The following TMIGD1 variants were observed in gnomAD, a reference collection of about 807,000 sequenced individuals.
The protein encoded by TMIGD1 is transmembrane and immunoglobulin domain-containing protein 1.
A neutral mutation model predicts 27.5 loss-of-function variants in TMIGD1; 29 were observed. That is an observed-to-expected ratio of 1.05 (90% CI 0.78 to 1.44). TMIGD1 has a LOEUF of 1.44. Ranked by LOEUF, TMIGD1 falls within the 40% of genes most tolerant of loss-of-function variation. The pLI, the probability that TMIGD1 is intolerant of heterozygous loss-of-function variation, is 0.00. For missense variants in TMIGD1, 334 were observed against 310.6 expected, an observed-to-expected ratio of 1.08 and a Z score of -0.57; for synonymous variants, 109 against 110.3, an observed-to-expected ratio of 0.99 and a Z score of 0.07.
At position 30,332,177 on chromosome 17, in the gene TMIGD1, A is replaced by C. The variant is rs762376045; in HGVS notation, c.-25-19T>G. 6.5e-6 allele frequency: 10 copies of C among 1,535,830 alleles called. No homozygotes were observed. The highest frequency in any genetic ancestry group is 8.9e-6 in the Non-Finnish European group (10 of 1,117,342). The stretch of plus-strand genomic sequence containing the variant: ...AGATCTACTAAGGGAAAAATAGTGC[A>C]GTTGGTTTTGTACTTTGGTCTGCAA... On this transcript the variant is annotated intron_variant, in intron 1 of 6. Coordinates refer to ENST00000328886, the MANE Select transcript of TMIGD1 (RefSeq NM_206832.3).
At chr17:30,320,453 G>A (rs567769890) in intron 4 of TMIGD1, among the ~76,000 whole-genome samples, 22 of 152,220 alleles carry the variant, frequency 1.4e-4, no homozygotes, top group Non-Finnish European at 2.6e-4. Flanking sequence ...GATATGAAAA[G>A]AAAGTAGCAA....
Position 30,325,082 on chromosome 17 carries a change from A to C in TMIGD1, c.374T>G (p.Leu125Arg). 1 of 1,610,936 alleles carries C rather than the reference A, an allele frequency of 6.2e-7. No individual in the cohort carries two copies. The highest frequency in any genetic ancestry group is 1.1e-5 in the South Asian group (1 of 90,972). The change falls in exon 4 of 7, where the codon CTA becomes CGA. Residue 125 changes from leucine (L) to arginine (R), a missense_variant. Transcript: ENST00000328886. ...VVLNVTFPPL[L>R]SGNDFQTVEE... ...AACTGTTTGGAAGTCGTTTCCACTT[A>C]GGAGAGGAGGAACTGCAAGACTCAA... is the stretch of plus-strand genomic sequence containing the variant.
intron 5 of TMIGD1, 83 bp from the exon 6 acceptor site, chr17:30,317,316 A>C (rs563426836): frequency 6.5e-4 from 975 of 1,504,138 alleles, no homozygotes; most frequent in Non-Finnish European, 8.4e-4. Context: ...TGGCTCGAGG[A>C]CAGGTGTGTG....
At chr17:30,328,986 A>G (rs1909880326) in intron 3 of TMIGD1, among the ~76,000 whole-genome samples, 1 of 150,540 alleles carries the variant, frequency 6.6e-6, no homozygotes, top group Non-Finnish European at 1.5e-5. Flanking sequence ...AAAAAAAGAA[A>G]GAAAGAAAAA....
At chr17:30,322,545 G>A (rs1838957129) in intron 4 of TMIGD1, among the ~76,000 whole-genome samples, 1 of 152,118 alleles carries the variant, frequency 6.6e-6, no homozygotes, top group Admixed American at 6.5e-5. Context: ...TGTTGCCCAG[G>A]CTGGAGCGCA....
chr17:30,332,231 T>C (rs1288031681), intron 1 of TMIGD1, 73 bp from the exon 2 acceptor site: 3 of 831,502 alleles, frequency 3.6e-6, no homozygotes, highest in Non-Finnish European at 5.8e-6. Flanking sequence ...TTCTGTCTAT[T>C]ATGCATTTAA....
chr17:30,316,453 CA>C lies in TMIGD1; in HGVS notation c.*233del. 1 of 445,834 alleles carries C rather than the reference CA, an allele frequency of 2.2e-6. No individual in the cohort carries two copies. The highest frequency in any genetic ancestry group is 4.0e-6 in the Non-Finnish European group (1 of 253,146). 27.6% of individuals were successfully genotyped at this position (445,834 alleles called of 1,614,324 possible). Reference sequence around the variant, plus strand: ...TTTGGAACAAATCTCAATTAATTAACATATACTTCAAGGAGAAGACTTAACA... The same window carrying C: ...TTTGGAACAAATCTCAATTAATTAACTATACTTCAAGGAGAAGACTTAACA... On this transcript the variant is annotated 3_prime_UTR_variant, in exon 7 of 7. Transcript: ENST00000328886.
rs764484067 is a variant in TMIGD1, at chr17:30,329,333, A to G, written c.279T>C (p.Ser93=). The part of the protein sequence containing the change: ...NSSSVCVSSI[S]ENDNGISFTC... ...TAAAGCTGATTCCGTTGTCATTTTCACTGATGGAAGAGACACAGACAGAGC... is the reference window on the plus strand; with the variant it reads ...TAAAGCTGATTCCGTTGTCATTTTCGCTGATGGAAGAGACACAGACAGAGC... Residue 93 remains serine, a synonymous_variant, in exon 3 of 7, where the codon AGT becomes AGC. Coordinates refer to ENST00000328886, the MANE Select transcript of TMIGD1 (RefSeq NM_206832.3). 1.3e-5 allele frequency: 21 copies of G among 1,613,842 alleles called. 1 individual carries two copies. The South Asian group carries it at 2.2e-4, about 17-fold the overall frequency.
rs1909740275 is a variant in TMIGD1 at position 30,325,233 on chromosome 17, G to A, written c.362-139C>T. 8.3e-6 allele frequency: 7 copies of A among 842,798 alleles called. No individual in the cohort carries two copies. In the Admixed American group the frequency reaches 1.2e-4, roughly 14 times the overall value. 52.2% of individuals were successfully genotyped at this position (842,798 alleles called of 1,614,324 possible). On this transcript the variant is annotated intron_variant, in intron 3 of 6. Coordinates refer to ENST00000328886, the MANE Select transcript of TMIGD1 (RefSeq NM_206832.3). ...TTATTAAATACGTACGGTGTGACAA[G>A]CACTGGGGTAACAAGGGCAAATAAC...
chr17:30,329,368 T>C lies in TMIGD1; in HGVS notation c.244A>G (p.Ile82Val). The change falls in exon 3 of 7, where the codon ATC (isoleucine) becomes GTC (valine). Residue 82 changes from isoleucine (I) to valine (V), a missense_variant. Coordinates refer to ENST00000328886, the MANE Select transcript of TMIGD1 (RefSeq NM_206832.3). ...GRVDLKSGNK[I>V]NSSSVCVSSI... Reference sequence around the variant, plus strand: ...GAGACACAGACAGAGCTGGAATTGATTTTGTTTCCAGATTTCAAATCCACT... The same window carrying C: ...GAGACACAGACAGAGCTGGAATTGACTTTGTTTCCAGATTTCAAATCCACT... 2.5e-6 allele frequency: 4 copies of C among 1,614,132 alleles called. No individual in the cohort carries two copies. Among genetic ancestry groups the C allele is most frequent in the Non-Finnish European group, 3.4e-6 (4 of 1,180,038 alleles).
intron 2 of TMIGD1, among the ~76,000 whole-genome samples, chr17:30,330,632 GT>G (rs1376109620): frequency 1.4e-4 from 21 of 152,166 alleles, no homozygotes; most frequent in Admixed American, 1.4e-3. Context: ...ATAAAAAGAT[GT>G]TTAAGTAGTT....
intron 5 of TMIGD1, among the ~76,000 whole-genome samples, chr17:30,318,235 T>C (rs985484993): frequency 9.2e-5 from 14 of 152,332 alleles, no homozygotes; most frequent in South Asian, 4.1e-4. Context: ...TGCTGAATGA[T>C]GAACTCAGCC....
intron 2 of TMIGD1, among the ~76,000 whole-genome samples, chr17:30,331,712 C>A (rs2143189567): frequency 6.6e-6 from 1 of 152,030 alleles, no homozygotes; most frequent in South Asian, 2.1e-4. Context: ...CCTCAGCCAC[C>A]CGAGTAGCTG....
chr17:30,331,162 T>C (rs1203986729), intron 2 of TMIGD1, among the ~76,000 whole-genome samples: 2 of 152,148 alleles, frequency 1.3e-5, no homozygotes, highest in African/African-American at 4.8e-5. Context: ...ACCACTGCAC[T>C]CCAGCCTGGG....
rs1389101872 is a variant in TMIGD1, at chr17:30,316,341, T to G, written c.*346A>C. 5.3e-6 allele frequency: 1 copy of G among 189,162 alleles called. No individual in the cohort carries two copies. Among genetic ancestry groups the G allele is most frequent in the Non-Finnish European group, 1.1e-5 (1 of 93,464 alleles). 11.7% of individuals were successfully genotyped at this position (189,162 alleles called of 1,614,324 possible). A position where few individuals can be genotyped will look rare whatever the true frequency, so the allele number is the denominator to read the frequency against. The stretch of plus-strand genomic sequence containing the variant: ...ACTCTGTTGTTTCTTCCTTTTTTTT[T>G]TTTTTTGGCTTTGCACCAATTTGTG... On this transcript the variant is annotated 3_prime_UTR_variant, in exon 7 of 7. Coordinates refer to ENST00000328886, the MANE Select transcript of TMIGD1 (RefSeq NM_206832.3).
chr17:30,331,260 T>C (rs957170890), intron 2 of TMIGD1, among the ~76,000 whole-genome samples: 1 of 152,030 alleles, frequency 6.6e-6, no homozygotes, highest in African/African-American at 2.4e-5. Context: ...TTTATTAAAA[T>C]ATGGAATATT....
chr17:30,320,000 C>A (rs893359069), intron 4 of TMIGD1, among the ~76,000 whole-genome samples: 2 of 151,938 alleles, frequency 1.3e-5, no homozygotes, highest in Non-Finnish European at 1.5e-5. Context: ...GAAGTGAAAG[C>A]CTACCCCTTT....
At position 30,329,287 on chromosome 17, in the gene TMIGD1, G is replaced by A; in HGVS notation, c.325C>T (p.Gln109Ter). The A allele has an allele frequency of 6.2e-7, 1 of 1,614,080 alleles. No individual in the cohort carries two copies. The highest frequency in any genetic ancestry group is 8.5e-7 in the Non-Finnish European group (1 of 1,180,022). The change falls in exon 3 of 7, where the codon CAG becomes TAG. Residue 109 changes from glutamine to a stop codon, truncating the protein, a stop_gained. Coordinates refer to ENST00000328886, the MANE Select transcript of TMIGD1 (RefSeq NM_206832.3). LOFTEE classifies it high-confidence loss of function. ...AGCACCACCGAAACGGACACGGACT[G>A]ATCCCTCCCCAGCCTGCAGGTAAAG... ...ISFTCRLGRD[Q>*]SVSVSVVLNV...
intron 2 of TMIGD1, among the ~76,000 whole-genome samples, chr17:30,331,622 T>C (rs1343441529): frequency 6.6e-6 from 1 of 150,738 alleles, no homozygotes; most frequent in Non-Finnish European, 1.5e-5. Flanking sequence ...TCTCGCCCTG[T>C]CGCCCAGGCT....
Sources: gnomAD v4.1 joint callset for allele counts (sites outside exome capture counted in the v4.1 genomes callset) on GRCh38, gnomAD v4.1.1 for gene constraint, MANE v1.5 for transcripts, NCBI Gene and HGNC (gene_info 2026-07-23, HGNC 2026-07-21) for gene names.